The following PCDHA10 variants were observed in gnomAD, a reference collection of about 807,000 sequenced individuals.
PCDHA10 encodes the protein protocadherin alpha-10.
A neutral mutation model predicts 61.2 loss-of-function variants in PCDHA10; 45 were observed. The observed-to-expected ratio is 0.74, with a 90% confidence interval of 0.58 to 0.94. The LOEUF is 0.94. Among genes scored for constraint, PCDHA10 ranks in the 40% least tolerant of loss-of-function variants. PCDHA10 has a pLI of 0.00. For missense variants in PCDHA10, 1,278 were observed against 1,236.2 expected (o/e 1.03, Z -0.51); for synonymous variants, 602 against 548.8 (o/e 1.10, Z -1.35).
intron 1 of PCDHA10, among the ~76,000 whole-genome samples, chr5:140,888,291 A>G (rs539984108): frequency 9.2e-5 from 14 of 152,122 alleles, no homozygotes; most frequent in Admixed American, 5.2e-4. Flanking sequence ...TCTACCCCCT[A>G]CCCAGGAGAT....
chr5:141,007,395 CAAAAAAAAAAAAAAAA>C (rs35800918), intron 3 of PCDHA10, among the ~76,000 whole-genome samples: 1 of 94,866 alleles, frequency 1.1e-5, no homozygotes. Context: ...TACTAAAATA[CAAAAAAAAAAAAAAAA>C]AAAAAAATTA....
intron 1 of PCDHA10, among the ~76,000 whole-genome samples, chr5:140,955,521 TC>T (rs2095199105): frequency 6.6e-6 from 1 of 152,142 alleles, no homozygotes; most frequent in Non-Finnish European, 1.5e-5. Context: ...TGCTTTCCCT[TC>T]CACCATGATT....
rs782043318 is a variant in PCDHA10, at chr5:140,857,507, G to A, written c.1459G>A (p.Ala487Thr). The A allele has an allele frequency of 1.3e-6, 2 of 1,598,186 alleles. No individual in the cohort carries two copies. Among genetic ancestry groups the A allele is most frequent in the South Asian group, 1.1e-5 (1 of 90,538 alleles). The change falls in exon 1 of 4, where the codon GCC becomes ACC. Residue 487 changes from alanine (A) to threonine (T), a missense_variant. Physicochemically the swap from Ala to Thr is moderately conservative, Grantham distance 58 (BLOSUM62 0). Transcript: ENST00000307360. Reference sequence around the variant, plus strand: ...GTGGGACGCGGACGCGCAGGAGAACGCCCTGGTGTCCTACTCTCTGGTGGA... The same window carrying A: ...GTGGGACGCGGACGCGCAGGAGAACACCCTGGTGTCCTACTCTCTGGTGGA... ...SAWDADAQEN[A>T]LVSYSLVERR... is the part of the protein sequence containing the mutation.
chr5:140,909,214 T>C (rs1394994856), intron 1 of PCDHA10, among the ~76,000 whole-genome samples: 2 of 152,232 alleles, frequency 1.3e-5, no homozygotes, highest in African/African-American at 2.4e-5. Context: ...AGAGTTGATA[T>C]ACCCCTGAGG....
chr5:140,903,023 G>A (rs1554190732), intron 1 of PCDHA10, among the ~76,000 whole-genome samples: 1 of 152,126 alleles, frequency 6.6e-6, no homozygotes, highest in East Asian at 1.9e-4. Context: ...TATCAACATG[G>A]CTTGCACATG....
intron 1 of PCDHA10, among the ~76,000 whole-genome samples, chr5:140,872,228 T>C (rs2053555588): frequency 6.6e-6 from 1 of 152,222 alleles, no homozygotes. Context: ...CAATCTTTAC[T>C]TTTGTCTTTA....
rs548394870 is a variant in PCDHA10 at position 140,927,042 on chromosome 5, G to A, written c.2389-51907G>A. ...ACTTGAGGCTGCCAGCGGCCGCTATGTCCTCGCGGAACTTTCGCTTCCTTT... is the reference window on the plus strand; with the variant it reads ...ACTTGAGGCTGCCAGCGGCCGCTATATCCTCGCGGAACTTTCGCTTCCTTT... On this transcript the variant is annotated intron_variant, in intron 1 of 3. Transcript: ENST00000307360. The A allele has an allele frequency of 1.4e-4, 226 of 1,612,386 alleles. 8 individuals are homozygous for A. The South Asian group carries it at 2.4e-3, about 17-fold the overall frequency.
At chr5:140,928,348 G>A in intron 1 of PCDHA10, 1 of 1,614,172 alleles carries the variant, frequency 6.2e-7, no homozygotes, top group Non-Finnish European at 8.5e-7. Context: ...TGAGCTGTTG[G>A]ATGTTATCTC....
At chr5:141,004,657 G>A (rs565994909) in intron 3 of PCDHA10, among the ~76,000 whole-genome samples, 1 of 152,262 alleles carries the variant, frequency 6.6e-6, no homozygotes, top group Admixed American at 6.5e-5. Context: ...TGGGCTCTGA[G>A]GGCAACTAAA....
intron 1 of PCDHA10, chr5:140,883,325 A>C: frequency 6.2e-7 from 1 of 1,614,118 alleles, no homozygotes; most frequent in Non-Finnish European, 8.5e-7. Context: ...GGTTACCATC[A>C]CTTCTTTGTC....
chr5:140,921,888 A>G (rs1430604991), intron 1 of PCDHA10, among the ~76,000 whole-genome samples: 8 of 152,090 alleles, frequency 5.3e-5, no homozygotes, highest in African/African-American at 1.9e-4. Context: ...AGATTTTAGA[A>G]AGGAGGATAA....
In PCDHA10 at chr5:140,982,645, G is replaced by A. The variant is rs2096993238; in HGVS notation, c.2536+82G>A. 3.3e-6 allele frequency: 5 copies of A among 1,522,444 alleles called. No homozygotes were observed. In the East Asian group the frequency reaches 1.2e-4, roughly 36 times the overall value. 94.3% of individuals were successfully genotyped at this position (1,522,444 alleles called of 1,614,324 possible). A position where few individuals can be genotyped will look rare whatever the true frequency, so the allele number is the denominator to read the frequency against. On this transcript the variant is annotated intron_variant, in intron 3 of 3. Transcript: ENST00000307360. ...CTACTTTTGTAAGATCAGGAATGTT[G>A]ATGGCTCTTTTTCTTTTATATTTTT...
At chr5:140,921,333 A>G (rs1245281166) in intron 1 of PCDHA10, among the ~76,000 whole-genome samples, 1 of 152,182 alleles carries the variant, frequency 6.6e-6, no homozygotes, top group Admixed American at 6.5e-5. Flanking sequence ...GTCTGGTCCA[A>G]TCACATAATA....
rs115795241 is a variant in PCDHA10, at chr5:140,931,728, G to A, written c.2389-47221G>A. 2.8e-3 allele frequency among the ~76,000 whole-genome samples: 427 copies of A among 151,850 alleles called. 1 individual carries two copies. The highest frequency in any genetic ancestry group is 4.4e-3 in the Non-Finnish European group (297 of 67,780). ...GAATAAAATAACTTCTATAAATATGGGGTATTTGTAATTCACAAAGGCATT... is the reference window on the plus strand; with the variant it reads ...GAATAAAATAACTTCTATAAATATGAGGTATTTGTAATTCACAAAGGCATT... On this transcript the variant is annotated intron_variant, in intron 1 of 3. Coordinates refer to ENST00000307360, the MANE Select transcript of PCDHA10 (RefSeq NM_018901.4).
chr5:140,909,970 G>A (rs76359002), intron 1 of PCDHA10, among the ~76,000 whole-genome samples: 2,125 of 152,312 alleles, frequency 0.014, 45 homozygotes, highest in African/African-American at 0.049. Flanking sequence ...CATGGGGAAG[G>A]ATGGGAGAAA....
intron 1 of PCDHA10, among the ~76,000 whole-genome samples, chr5:140,915,224 G>C (rs2077030896): frequency 6.6e-6 from 1 of 152,144 alleles, no homozygotes; most frequent in African/African-American, 2.4e-5. Context: ...TGGGATTACA[G>C]GCATGAGCCA....
intron 1 of PCDHA10, chr5:140,869,509 A>T (rs199564677): frequency 3.1e-6 from 5 of 1,614,206 alleles, no homozygotes; most frequent in Non-Finnish European, 3.4e-6. Context: ...GTTCTCGCTC[A>T]GAGAACAAAA....
At position 140,968,504 on chromosome 5, in the gene PCDHA10, C is replaced by T. The variant is rs147528189; in HGVS notation, c.2389-10445C>T. 58 of 1,614,064 alleles carry T rather than the reference C, an allele frequency of 3.6e-5. No individual in the cohort carries two copies. In the African/African-American group the frequency reaches 6.7e-4, roughly 19 times the overall value. ...CATGAATGACCATGCCCCTCACATT[C>T]TGTACCCTACCTCAACCAACTCGTC... On this transcript the variant is annotated intron_variant, in intron 1 of 3. Transcript: ENST00000307360.
At chr5:140,959,591 A>C (rs2095498403) in intron 1 of PCDHA10, among the ~76,000 whole-genome samples, 1 of 152,220 alleles carries the variant, frequency 6.6e-6, no homozygotes, top group African/African-American at 2.4e-5. Context: ...CTATCAGCCA[A>C]GTATAACATG....
Sources: gnomAD v4.1 joint callset for allele counts (sites outside exome capture counted in the v4.1 genomes callset) on GRCh38, gnomAD v4.1.1 for gene constraint, MANE v1.5 for transcripts, NCBI Gene and HGNC (gene_info 2026-07-23, HGNC 2026-07-21) for gene names.